PTPRA: variants seen among roughly 807,000 people sequenced by gnomAD.
The protein encoded by PTPRA is receptor-type tyrosine-protein phosphatase alpha.
A neutral mutation model predicts 104.8 loss-of-function variants in PTPRA; 25 were observed. The observed-to-expected ratio is 0.24, with a 90% CI of 0.17 to 0.33. The LOEUF is 0.33. Among genes scored for constraint, PTPRA ranks in the 10% least tolerant of loss-of-function variants. The pLI is 1.00. For synonymous variants in PTPRA, 323 were observed against 368.9 expected (o/e 0.88, Z 1.43); for missense variants, 765 against 1,015.3 (o/e 0.75, Z 3.35).
At chr20:2,880,458 T>C (rs1227511541) in intron 1 of PTPRA, among the ~76,000 whole-genome samples, 3 of 152,182 alleles carry the variant, frequency 2.0e-5, no homozygotes, top group Admixed American at 1.3e-4. Context: ...AACATGTTGT[T>C]AACAGTTTAT....
At chr20:2,885,157 C>T (rs935458297) in intron 1 of PTPRA, among the ~76,000 whole-genome samples, 1 of 152,186 alleles carries the variant, frequency 6.6e-6, no homozygotes, top group African/African-American at 2.4e-5. Context: ...TTTTTACAAT[C>T]CCAGCAGCAG....
At chr20:2,929,670 C>T (rs560368754) in intron 2 of PTPRA, among the ~76,000 whole-genome samples, 2 of 151,854 alleles carry the variant, frequency 1.3e-5, no homozygotes, top group South Asian at 4.1e-4. Context: ...ACAAAAAATG[C>T]ACAAATTACC....
intron 11 of PTPRA, among the ~76,000 whole-genome samples, chr20:3,011,087 G>T (rs1033286105): frequency 6.6e-6 from 1 of 152,236 alleles, no homozygotes; most frequent in Non-Finnish European, 1.5e-5. Context: ...TGGCACAGTA[G>T]AAAGAAACAG....
At chr20:2,933,429 C>T (rs1178043) in intron 2 of PTPRA, among the ~76,000 whole-genome samples, 97,255 of 150,950 alleles carry the variant, frequency 0.64, 33,273 homozygotes, top group East Asian at 0.88. Context: ...TTTTGGGGTT[C>T]TTTCTTTTGG....
intron 2 of PTPRA, among the ~76,000 whole-genome samples, chr20:2,945,020 A>C (rs1181094438): frequency 6.6e-6 from 1 of 151,812 alleles, no homozygotes; most frequent in African/African-American, 2.4e-5. Flanking sequence ...TATCCTTTAT[A>C]CCTCTTACCT....
chr20:3,016,134 G>A (rs780930759), intron 12 of PTPRA, among the ~76,000 whole-genome samples: 13 of 152,190 alleles, frequency 8.5e-5, no homozygotes, highest in Non-Finnish European at 1.8e-4. Flanking sequence ...GGAAAAGGCT[G>A]TATACACAAA....
intron 12 of PTPRA, among the ~76,000 whole-genome samples, chr20:3,016,827 G>A (rs1343699901): frequency 1.3e-5 from 2 of 152,072 alleles, no homozygotes; most frequent in Non-Finnish European, 2.9e-5. Context: ...AATGCCCCTG[G>A]GGCAACCATT....
chr20:3,003,200 G>A (rs1247085407), intron 9 of PTPRA, among the ~76,000 whole-genome samples: 1 of 152,162 alleles, frequency 6.6e-6, no homozygotes, highest in Non-Finnish European at 1.5e-5. Flanking sequence ...CCTTGAGGGC[G>A]AGAACTGCAC....
chr20:2,992,994 G>A (rs1280351625), intron 9 of PTPRA, among the ~76,000 whole-genome samples: 1 of 152,162 alleles, frequency 6.6e-6, no homozygotes, highest in Non-Finnish European at 1.5e-5. Flanking sequence ...CTGAGGTGGG[G>A]TATTGCTTGA....
intron 2 of PTPRA, among the ~76,000 whole-genome samples, chr20:2,947,628 C>T (rs1440772460): frequency 2.0e-5 from 3 of 152,164 alleles, no homozygotes; most frequent in Non-Finnish European, 2.9e-5. Context: ...TTCCTACCCT[C>T]CCCCATGCTT....
chr20:2,906,238 C>A (rs918155331), intron 1 of PTPRA, among the ~76,000 whole-genome samples: 1 of 152,088 alleles, frequency 6.6e-6, no homozygotes, highest in Non-Finnish European at 1.5e-5. Flanking sequence ...GAGTAAAAAT[C>A]AAATATTTCA....
intron 3 of PTPRA, among the ~76,000 whole-genome samples, chr20:2,959,109 T>C (rs1361734461): frequency 1.3e-5 from 2 of 152,192 alleles, no homozygotes; most frequent in Admixed American, 1.3e-4. Context: ...CACTGTGATT[T>C]TCCTGGTCGT....
intron 1 of PTPRA, among the ~76,000 whole-genome samples, chr20:2,905,008 A>C (rs748013053): frequency 1.3e-5 from 2 of 152,214 alleles, no homozygotes; most frequent in Non-Finnish European, 1.5e-5. Flanking sequence ...ACACAGCAGG[A>C]TATGAACTTT....
intron 1 of PTPRA, among the ~76,000 whole-genome samples, chr20:2,917,200 C>T (rs911843060): frequency 2.0e-5 from 3 of 151,840 alleles, no homozygotes; most frequent in Admixed American, 6.6e-5. Flanking sequence ...CCAAGTGATC[C>T]GCCGGCCTCG....
At chr20:2,956,837 G>A (rs907832404) in intron 3 of PTPRA, among the ~76,000 whole-genome samples, 1 of 152,110 alleles carries the variant, frequency 6.6e-6, no homozygotes, top group Admixed American at 6.6e-5. Context: ...ATGTATCCGT[G>A]GAATAAGTTT....
chr20:2,888,492 A>T (rs759920126), intron 1 of PTPRA, among the ~76,000 whole-genome samples: 23 of 151,964 alleles, frequency 1.5e-4, no homozygotes, highest in Non-Finnish European at 2.9e-4. Flanking sequence ...CCAGGAGATC[A>T]AGGCTGCAGT....
chr20:3,001,136 TCTG>T (rs1301333527), intron 9 of PTPRA, among the ~76,000 whole-genome samples: 2 of 152,330 alleles, frequency 1.3e-5, no homozygotes, highest in Non-Finnish European at 2.9e-5. Context: ...TTTATAGACT[TCTG>T]CTCTAGCTGC....
chr20:2,934,478 A>G (rs141720277), intron 2 of PTPRA, among the ~76,000 whole-genome samples: 100 of 152,186 alleles, frequency 6.6e-4, no homozygotes, highest in African/African-American at 2.4e-3. Flanking sequence ...GCCACATATT[A>G]TTGTATTAAT....
chr20:3,033,303 A>T (rs1294312111), intron 20 of PTPRA, among the ~76,000 whole-genome samples: 1 of 151,676 alleles, frequency 6.6e-6, no homozygotes, highest in Admixed American at 6.6e-5. Context: ...CCAGTTGCTC[A>T]TGTCTAAAAT....
Sources: gnomAD v4.1 joint callset for allele counts (sites outside exome capture counted in the v4.1 genomes callset) on GRCh38, gnomAD v4.1.1 for gene constraint, MANE v1.5 for transcripts, NCBI Gene and HGNC (gene_info 2026-07-23, HGNC 2026-07-21) for gene names.